The following NEO1 variants were observed in gnomAD, a reference collection of about 807,000 sequenced individuals.
The protein encoded by NEO1 is neogenin 1.
NEO1 carries 63 observed loss-of-function variants against 159.7 expected under a neutral mutation model. The ratio of observed to expected loss-of-function variants is 0.39; its 90% confidence interval spans 0.32 to 0.49. The LOEUF (loss-of-function observed/expected upper bound fraction) is 0.49. Ranked by LOEUF, NEO1 falls within the 20% of genes least tolerant of loss-of-function variation. The pLI, the probability that NEO1 is intolerant of heterozygous loss-of-function variation, is 0.85. For synonymous variants in NEO1, 633 were observed against 662.0 expected, an observed-to-expected ratio of 0.96 and a Z score of 0.67; for missense variants, 1,615 against 1,831.0, an observed-to-expected ratio of 0.88 and a Z score of 2.15.
rs1293313223 is a variant in NEO1, at chr15:73,178,295, T to C, written c.1171-12T>C. 4.4e-6 allele frequency: 7 copies of C among 1,608,810 alleles called. No individual in the cohort carries two copies. ...TAAATTATGTAATTTTATTTATGCT[T>C]TTCTTCTTCAGAAGGAACATAATCT... On this transcript the variant is annotated splice_polypyrimidine_tract_variant and intron_variant, in intron 6 of 28. Transcript: ENST00000261908.
At chr15:73,227,219 G>C (rs942866126) in intron 7 of NEO1, among the ~76,000 whole-genome samples, 11 of 152,152 alleles carry the variant, frequency 7.2e-5, no homozygotes, top group African/African-American at 2.7e-4. Context: ...GGTCAGGCCG[G>C]GCGCAGTGGC....
chr15:73,174,562 C>G lies in NEO1; in HGVS notation c.1016-1841C>G, dbSNP rs560102672. Reference sequence around the variant, plus strand: ...ATTGGGTCTTTCACAATCAGCCTCACCATAGGAGCAAAAAGAAGAGCATCC... The same window carrying G: ...ATTGGGTCTTTCACAATCAGCCTCAGCATAGGAGCAAAAAGAAGAGCATCC... On this transcript the variant is annotated intron_variant, in intron 5 of 28. Transcript: ENST00000261908. Among the ~76,000 whole-genome samples the G allele has an allele frequency of 1.1e-4, 16 of 152,186 alleles. No homozygotes were observed. In the South Asian group the frequency reaches 2.9e-3, roughly 28 times the overall value.
intron 8 of NEO1, among the ~76,000 whole-genome samples, chr15:73,241,628 T>A (rs959806242): frequency 3.3e-5 from 5 of 152,222 alleles, no homozygotes; most frequent in African/African-American, 1.2e-4. Flanking sequence ...CAGTGCTTTC[T>A]TTCTATAAAG....
intron 5 of NEO1, among the ~76,000 whole-genome samples, chr15:73,156,816 G>A (rs2033813899): frequency 6.6e-6 from 1 of 152,156 alleles, no homozygotes; most frequent in Non-Finnish European, 1.5e-5. Context: ...AAGCTGAGTG[G>A]AGCTGGAGCA....
intron 22 of NEO1, among the ~76,000 whole-genome samples, chr15:73,279,350 G>GTTTTTTTTTT (rs1567679061): frequency 1.7e-5 from 1 of 58,138 alleles, no homozygotes; most frequent in Non-Finnish European, 5.5e-5. Context: ...TTTTGGTTTT[G>GTTTTTTTTTT]GTTTTTTTTT....
chr15:73,113,214 C>T (rs2151591468), intron 1 of NEO1, among the ~76,000 whole-genome samples: 1 of 149,212 alleles, frequency 6.7e-6, no homozygotes, highest in Non-Finnish European at 1.5e-5. Flanking sequence ...GTTTTGTAAA[C>T]ACTCATCAGA....
Position 73,131,751 on chromosome 15 carries a change from G to A in NEO1, c.879-4140G>A, listed in dbSNP as rs112513990. Among the ~76,000 whole-genome samples, 49 of 152,136 alleles carry A rather than the reference G, an allele frequency of 3.2e-4. 1 individual carries two copies. The highest frequency in any genetic ancestry group is 1.0e-3 in the African/African-American group (43 of 41,420). On this transcript the variant is annotated intron_variant, in intron 4 of 28. Transcript: ENST00000261908. ...TTTTAAAAATGTTTAATGGATTTCC[G>A]TTGTTCTTAGGTTAAGGACCCAAAT... is the stretch of plus-strand genomic sequence containing the variant.
At chr15:73,090,339 C>T (rs1281448958) in intron 1 of NEO1, among the ~76,000 whole-genome samples, 1 of 151,974 alleles carries the variant, frequency 6.6e-6, no homozygotes, top group Non-Finnish European at 1.5e-5. Context: ...GTACTACAGG[C>T]GCATGCTGCC....
At chr15:73,186,025 AAAG>A (rs1319273250) in intron 7 of NEO1, among the ~76,000 whole-genome samples, 2 of 152,162 alleles carry the variant, frequency 1.3e-5, no homozygotes, top group Non-Finnish European at 2.9e-5. Flanking sequence ...ATAATAATAA[AAAG>A]AAAATATGCC....
chr15:73,293,644 G>T, intron 26 of NEO1, 96 bp downstream of exon 26: 2 of 1,303,314 alleles, frequency 1.5e-6, no homozygotes, highest in Non-Finnish European at 2.1e-6. Flanking sequence ...GAGGGATTTG[G>T]AATTTTTCTG....
At chr15:73,211,430 G>A (rs2037555502) in intron 7 of NEO1, among the ~76,000 whole-genome samples, 1 of 151,748 alleles carries the variant, frequency 6.6e-6, no homozygotes, top group African/African-American at 2.4e-5. Context: ...TAGAAAAGTA[G>A]GTGGGGCCGG....
chr15:73,126,689 C>A, intron 4 of NEO1, 119 bp downstream of exon 4: 1 of 819,760 alleles, frequency 1.2e-6, no homozygotes, highest in Non-Finnish European at 1.8e-6. Flanking sequence ...CATCATAATG[C>A]TCATATGTCA....
At chr15:73,189,374 G>A (rs900187138) in intron 7 of NEO1, among the ~76,000 whole-genome samples, 17 of 152,088 alleles carry the variant, frequency 1.1e-4, no homozygotes, top group Non-Finnish European at 1.8e-4. Context: ...TTTTTGTTGC[G>A]TTTGTTTGAA....
At chr15:73,280,077 TGAA>T (rs1185052749) in intron 22 of NEO1, among the ~76,000 whole-genome samples, 1 of 152,046 alleles carries the variant, frequency 6.6e-6, no homozygotes. Context: ...CTGATAGCAG[TGAA>T]GAATAAGTTG....
At chr15:73,293,971 C>T (rs2042256477) in intron 26 of NEO1, among the ~76,000 whole-genome samples, 1 of 152,190 alleles carries the variant, frequency 6.6e-6, no homozygotes, top group Admixed American at 6.5e-5. Flanking sequence ...ATACAGGTTA[C>T]TTCCACCGTG....
chr15:73,153,110 TAGG>T (rs1226308634), intron 5 of NEO1, among the ~76,000 whole-genome samples: 4 of 152,116 alleles, frequency 2.6e-5, no homozygotes, highest in Non-Finnish European at 5.9e-5. Flanking sequence ...GTGCTGAGGG[TAGG>T]AGAAGATCAG....
chr15:73,119,016 C>T (rs975706901), intron 2 of NEO1, among the ~76,000 whole-genome samples: 17 of 151,890 alleles, frequency 1.1e-4, no homozygotes, highest in East Asian at 7.8e-4. Flanking sequence ...TGTGTGTGCG[C>T]GCAATTAAAA....
At chr15:73,081,333 A>G (rs560590099) in intron 1 of NEO1, among the ~76,000 whole-genome samples, 18 of 152,184 alleles carry the variant, frequency 1.2e-4, no homozygotes, top group Non-Finnish European at 2.5e-4. Context: ...TGTTCTCTTT[A>G]AAGAAAATTA....
intron 15 of NEO1, among the ~76,000 whole-genome samples, chr15:73,265,418 G>A (rs1384226776): frequency 3.3e-5 from 5 of 152,180 alleles, no homozygotes; most frequent in African/African-American, 9.7e-5. Flanking sequence ...GTGCTCATAA[G>A]AAAGATCCAG....
Sources: gnomAD v4.1 joint callset for allele counts (sites outside exome capture counted in the v4.1 genomes callset) on GRCh38, gnomAD v4.1.1 for gene constraint, MANE v1.5 for transcripts, NCBI Gene and HGNC (gene_info 2026-07-23, HGNC 2026-07-21) for gene names.